NUP54: variants seen among roughly 807,000 people sequenced by gnomAD.
The protein encoded by NUP54 is nucleoporin 54.
Under a neutral mutation model 66.4 loss-of-function variants are expected in NUP54, and 27 were observed. The ratio of observed to expected loss-of-function variants is 0.41; its 90% CI spans 0.30 to 0.56. The LOEUF is 0.56. NUP54 is among the 20% of genes least tolerant of loss of function. NUP54 has a pLI of 0.34. For synonymous variants in NUP54, 206 were observed against 210.7 expected (o/e 0.98, Z 0.19); for missense variants, 486 against 596.3 (o/e 0.82, Z 1.93).
In NUP54 at chr4:76,144,443, G is replaced by A; in HGVS notation, c.98C>T (p.Thr33Ile). ...GGFGGFGTTS[T>I]TAGSAFSFSA... ...AAAGCTGAATGCAGAACCTGCAGTT[G>A]TAGATGTTGTCCCAAATCCTCCAAA... The change falls in exon 2 of 12, where the codon ACA becomes ATA. Residue 33 changes from threonine to isoleucine, a missense_variant. Coordinates refer to ENST00000264883, the MANE Select transcript of NUP54 (RefSeq NM_017426.4). 6 of 1,607,368 alleles carry A rather than the reference G, an allele frequency of 3.7e-6. No individual in the cohort carries two copies. Among genetic ancestry groups the A allele is most frequent in the Non-Finnish European group, 5.1e-6 (6 of 1,178,252 alleles).
At chr4:76,146,582 GTAAA>G (rs79597332) in intron 1 of NUP54, among the ~76,000 whole-genome samples, 19,971 of 152,138 alleles carry the variant, frequency 0.13, 1,524 homozygotes, top group East Asian at 0.34. Flanking sequence ...CTTTTAGGGA[GTAAA>G]TAATGTTTAT....
intron 8 of NUP54, among the ~76,000 whole-genome samples, chr4:76,126,763 C>T (rs770552931): frequency 6.6e-6 from 1 of 152,162 alleles, no homozygotes; most frequent in Non-Finnish European, 1.5e-5. Context: ...AAGAGACATA[C>T]CACATTCATG....
At chr4:76,141,159 A>G (rs1025860026) in intron 3 of NUP54, among the ~76,000 whole-genome samples, 3 of 152,294 alleles carry the variant, frequency 2.0e-5, no homozygotes, top group African/African-American at 7.2e-5. Flanking sequence ...TGAGGAATAC[A>G]TGGACGGGCA....
chr4:76,133,029 C>G (rs11729816), intron 5 of NUP54, among the ~76,000 whole-genome samples: 19,697 of 147,592 alleles, frequency 0.13, 1,527 homozygotes, highest in East Asian at 0.35. Flanking sequence ...GTATGTGTGT[C>G]TATACATAAA....
At chr4:76,135,026 C>T (rs1730973530) in intron 4 of NUP54, among the ~76,000 whole-genome samples, 1 of 151,820 alleles carries the variant, frequency 6.6e-6, no homozygotes, top group African/African-American at 2.4e-5. Flanking sequence ...TGGGATGTAA[C>T]CCATAATAAG....
intron 3 of NUP54, among the ~76,000 whole-genome samples, chr4:76,139,106 G>A (rs372720563): frequency 3.2e-4 from 49 of 152,254 alleles, no homozygotes; most frequent in African/African-American, 1.0e-3. Context: ...CAGTCTTGGA[G>A]GATGAAGAAA....
chr4:76,127,376 G>A (rs1398299482), intron 8 of NUP54, among the ~76,000 whole-genome samples: 3 of 139,918 alleles, frequency 2.1e-5, no homozygotes, highest in East Asian at 2.4e-4. Context: ...AGCTTGCAGT[G>A]AGCCGAGATT....
chr4:76,125,791 GAGGGA>G (rs1730499045), intron 8 of NUP54, among the ~76,000 whole-genome samples: 1 of 36,952 alleles, frequency 2.7e-5, no homozygotes, highest in African/African-American at 9.3e-5. Flanking sequence ...GAGGGGGAGA[GAGGGA>G]GAGGGAGAGA....
chr4:76,137,185 C>T (rs1482072606), intron 3 of NUP54, among the ~76,000 whole-genome samples: 2 of 152,104 alleles, frequency 1.3e-5, no homozygotes, highest in Admixed American at 6.5e-5. Context: ...TTTGTAGAGA[C>T]AGGGTCTTAC....
rs1395956658 is a variant in NUP54 at position 76,146,068 on chromosome 4, G to C, written c.68-1595C>G. 25 of 441,562 alleles carry C rather than the reference G, an allele frequency of 5.7e-5. No homozygotes were observed. In the Middle Eastern group the frequency reaches 1.0e-3, roughly 18 times the overall value. 27.4% of individuals were successfully genotyped at this position (441,562 alleles called of 1,614,324 possible). ...TATAATCTGAATTGGCTACGCAATA[G>C]AAACACTAGTCAGTTTCTCATCATG... On this transcript the variant is annotated intron_variant, in intron 1 of 11. Transcript: ENST00000264883.
At chr4:76,126,467 A>G (rs997609548) in intron 8 of NUP54, among the ~76,000 whole-genome samples, 2 of 152,220 alleles carry the variant, frequency 1.3e-5, no homozygotes, top group African/African-American at 4.8e-5. Context: ...GGACAAAATT[A>G]GGTGGCCATG....
intron 1 of NUP54, chr4:76,147,718 A>G: frequency 9.0e-7 from 1 of 1,112,464 alleles, no homozygotes; most frequent in South Asian, 1.4e-5. Context: ...GATAAGGATT[A>G]GAAGAATCAG....
intron 4 of NUP54, 124 bp downstream of exon 4, chr4:76,136,050 TATTTTCAAAATA>T: frequency 1.5e-6 from 1 of 656,728 alleles, no homozygotes; most frequent in Non-Finnish European, 2.6e-6. Context: ...ATAATTTCTA[TATTTTCAAAATA>T]AAAGTATAAT....
At chr4:76,132,388 C>A in intron 6 of NUP54, 135 bp downstream of exon 6, 1 of 552,914 alleles carries the variant, frequency 1.8e-6, no homozygotes, top group Non-Finnish European at 3.0e-6. Context: ...AAAACTATTT[C>A]CCAAATAAGT....
chr4:76,147,135 G>GC (rs1731535160), intron 1 of NUP54, among the ~76,000 whole-genome samples: 1 of 152,174 alleles, frequency 6.6e-6, no homozygotes, highest in Non-Finnish European at 1.5e-5. Context: ...AAAAATGACT[G>GC]CAGGAGTCCA....
intron 3 of NUP54, among the ~76,000 whole-genome samples, chr4:76,141,696 C>G (rs1731273010): frequency 6.6e-6 from 1 of 152,144 alleles, no homozygotes; most frequent in South Asian, 2.1e-4. Context: ...TCCAACCCAC[C>G]TATAATCTAT....
chr4:76,131,945 T>C (rs1233210098), intron 6 of NUP54, among the ~76,000 whole-genome samples: 1 of 152,162 alleles, frequency 6.6e-6, no homozygotes, highest in South Asian at 2.1e-4. Context: ...GTAAGATTTA[T>C]CTTCATGTAT....
chr4:76,128,468 A>G (rs955155435), intron 8 of NUP54, among the ~76,000 whole-genome samples: 1 of 152,070 alleles, frequency 6.6e-6, no homozygotes, highest in Non-Finnish European at 1.5e-5. Context: ...AACAGAGGCT[A>G]CAAACACAAA....
intron 3 of NUP54, among the ~76,000 whole-genome samples, chr4:76,143,942 A>G (rs184345978): frequency 1.6e-4 from 25 of 152,330 alleles, no homozygotes; most frequent in African/African-American, 4.1e-4. Context: ...GAATGATCCT[A>G]AACACAGGGA....
Sources: gnomAD v4.1 joint callset for allele counts (sites outside exome capture counted in the v4.1 genomes callset) on GRCh38, gnomAD v4.1.1 for gene constraint, MANE v1.5 for transcripts, NCBI Gene and HGNC (gene_info 2026-07-23, HGNC 2026-07-21) for gene names.